ELOVL4: variants seen among roughly 807,000 people sequenced by gnomAD.
The protein encoded by ELOVL4 is very long chain fatty acid elongase 4.
Under a neutral mutation model 42.1 loss-of-function variants are expected in ELOVL4, and 18 were observed. The ratio of observed to expected loss-of-function variants is 0.43; its 90% CI spans 0.30 to 0.63. The LOEUF (loss-of-function observed/expected upper bound fraction) is 0.63. Ranked by LOEUF, ELOVL4 falls within the 30% of genes least tolerant of loss-of-function variation. The pLI, the probability that ELOVL4 is intolerant of heterozygous loss-of-function variation, is 0.15. For synonymous variants in ELOVL4, 117 were observed against 127.0 expected (o/e 0.92, Z 0.53); for missense variants, 299 against 376.2 (o/e 0.79, Z 1.70).
In ELOVL4 at chr6:79,947,294, G is replaced by C. The variant is rs373355245; in HGVS notation, c.-15C>G. The C allele has an allele frequency of 7.5e-6, 12 of 1,601,184 alleles. No homozygotes were observed. The highest frequency in any genetic ancestry group is 4.0e-5 in the African/African-American group (3 of 74,656). ...AGGAGCCCCATCGCGGCGATGAGCG[G>C]GCGCTGGCGGCAGGAGAAAGCGGAG... On this transcript the variant is annotated 5_prime_UTR_variant, in exon 1 of 6. Coordinates refer to ENST00000369816, the MANE Select transcript of ELOVL4 (RefSeq NM_022726.4).
chr6:79,931,010 A>T (rs1228747356), intron 1 of ELOVL4, among the ~76,000 whole-genome samples: 1 of 152,142 alleles, frequency 6.6e-6, no homozygotes, highest in Non-Finnish European at 1.5e-5. Flanking sequence ...CTGAAGTCAA[A>T]CCCTGTCGCC....
chr6:79,947,318 A>T lies in ELOVL4; in HGVS notation c.-39T>A. 1 of 1,518,250 alleles carries T rather than the reference A, an allele frequency of 6.6e-7. No homozygotes were observed. Among genetic ancestry groups the T allele is most frequent in the African/African-American group, 1.4e-5 (1 of 73,234 alleles). The allele number at this position is 1,518,250 out of a possible 1,614,324, so 94.0% of individuals were successfully genotyped here. A position where few individuals can be genotyped will look rare whatever the true frequency, so the allele number is the denominator to read the frequency against. On this transcript the variant is annotated 5_prime_UTR_variant, in exon 1 of 6. Coordinates refer to ENST00000369816, the MANE Select transcript of ELOVL4 (RefSeq NM_022726.4). ...GGGCGCTGGCGGCAGGAGAAAGCGG[A>T]GACCCAGAGAGAGGGCTGACCCCGG...
intron 1 of ELOVL4, among the ~76,000 whole-genome samples, chr6:79,928,258 C>T (rs908816626): frequency 2.0e-5 from 3 of 152,016 alleles, no homozygotes; most frequent in African/African-American, 7.2e-5. Flanking sequence ...TCCCATGAGA[C>T]TTATACAAAG....
Position 79,916,343 on chromosome 6 carries a change from G to T in ELOVL4, c.*265C>A. ...AGACAACTGGATGTGAACAGGGGGA[G>T]AATCCCCAAAGTCACTTAATGATTG... is the stretch of plus-strand genomic sequence containing the variant. On this transcript the variant is annotated 3_prime_UTR_variant, in exon 6 of 6. Coordinates refer to ENST00000369816, the MANE Select transcript of ELOVL4 (RefSeq NM_022726.4). 1 of 455,700 alleles carries T rather than the reference G, an allele frequency of 2.2e-6. No homozygotes were observed. The highest frequency in any genetic ancestry group is 4.0e-6 in the Non-Finnish European group (1 of 252,692). The allele number at this position is 455,700 out of a possible 1,614,324, so 28.2% of individuals were successfully genotyped here. A position where few individuals can be genotyped will look rare whatever the true frequency, so the allele number is the denominator to read the frequency against.
In ELOVL4 at chr6:79,926,296, C is replaced by A. The variant is rs1164012665; in HGVS notation, c.186G>T (p.Leu62=). Residue 62 remains leucine, a synonymous_variant, in exon 2 of 6, where the codon CTG becomes CTT. Coordinates refer to ENST00000369816, the MANE Select transcript of ELOVL4 (RefSeq NM_022726.4). ...ISTLYLLFVW[L]GPKWMKDREP... ...CTCGGTCCTTCATCCATTTTGGACC[C>A]AGCCACACAAACAGGAGATAAAGAG... The A allele has an allele frequency of 6.2e-7, 1 of 1,613,938 alleles. No homozygotes were observed. The highest frequency in any genetic ancestry group is 8.5e-7 in the Non-Finnish European group (1 of 1,179,950).
At chr6:79,941,789 T>C (rs1043989198) in intron 1 of ELOVL4, among the ~76,000 whole-genome samples, 6 of 152,224 alleles carry the variant, frequency 3.9e-5, no homozygotes, top group Admixed American at 3.9e-4. Flanking sequence ...TTCAAAATTA[T>C]GCTAGATTAA....
chr6:79,923,499 T>C (rs1347080473), intron 3 of ELOVL4, among the ~76,000 whole-genome samples: 1 of 152,222 alleles, frequency 6.6e-6, no homozygotes, highest in African/African-American at 2.4e-5. Context: ...CACTTATCCC[T>C]GTTCCCTTCC....
chr6:79,916,988 C>A, intron 5 of ELOVL4, 105 bp from the exon 6 acceptor site: 1 of 1,328,214 alleles, frequency 7.5e-7, no homozygotes, highest in Non-Finnish European at 1.1e-6. Context: ...AATTTTGCCA[C>A]ACTGTGCAAA....
chr6:79,917,291 T>C (rs1276801887), intron 5 of ELOVL4, among the ~76,000 whole-genome samples: 2 of 152,168 alleles, frequency 1.3e-5, no homozygotes, highest in East Asian at 1.9e-4. Context: ...TCAATGAATA[T>C]GTGTTGAATA....
At chr6:79,917,723 A>G (rs761604258) in intron 5 of ELOVL4, among the ~76,000 whole-genome samples, 9 of 152,198 alleles carry the variant, frequency 5.9e-5, no homozygotes, top group African/African-American at 2.2e-4. Context: ...CAGGAGGCTG[A>G]AGCAGAAGAA....
intron 1 of ELOVL4, among the ~76,000 whole-genome samples, chr6:79,945,224 G>GT (rs1774719116): frequency 6.6e-6 from 1 of 152,180 alleles, no homozygotes; most frequent in Non-Finnish European, 1.5e-5. Flanking sequence ...CTCAGGTTTC[G>GT]TAAGTGGATA....
chr6:79,927,335 A>T (rs1774360730), intron 1 of ELOVL4, among the ~76,000 whole-genome samples: 2 of 152,278 alleles, frequency 1.3e-5, no homozygotes, highest in Middle Eastern at 3.4e-3. Context: ...TATTCTTGGC[A>T]ATGCAAAACA....
At chr6:79,921,499 A>G in intron 4 of ELOVL4, 126 bp downstream of exon 4, 1 of 644,440 alleles carries the variant, frequency 1.6e-6, no homozygotes, top group Non-Finnish European at 2.6e-6. Flanking sequence ...AGAAATGAAC[A>G]TGGAAATGAT....
Position 79,947,453 on chromosome 6 carries a change from A to G in ELOVL4, c.-174T>C, listed in dbSNP as rs889838289. ...GGCGCCGCGGCGGCGGGGATGCGGC[A>G]GAAGGCAGGGCCAAGCGGAAGGCGT... On this transcript the variant is annotated 5_prime_UTR_variant, in exon 1 of 6. Transcript: ENST00000369816. The G allele has an allele frequency of 6.2e-6, 4 of 640,210 alleles. No individual in the cohort carries two copies. The East Asian group carries it at 1.1e-4, about 18-fold the overall frequency. The allele number at this position is 640,210 out of a possible 1,614,324, so 39.7% of individuals were successfully genotyped here. A position where few individuals can be genotyped will look rare whatever the true frequency, so the allele number is the denominator to read the frequency against.
intron 1 of ELOVL4, among the ~76,000 whole-genome samples, chr6:79,931,095 G>C (rs1360481478): frequency 6.6e-6 from 1 of 152,222 alleles, no homozygotes; most frequent in Middle Eastern, 3.4e-3. Context: ...TGGTGGGGTG[G>C]AGGGGGAAAA....
At chr6:79,947,067 C>T in intron 1 of ELOVL4, 113 bp downstream of exon 1, 1 of 872,956 alleles carries the variant, frequency 1.1e-6, no homozygotes, top group Non-Finnish European at 1.8e-6. Context: ...TCCGCAGCAT[C>T]CGAAAGCCGC....
At chr6:79,934,154 G>A (rs965691836) in intron 1 of ELOVL4, among the ~76,000 whole-genome samples, 3 of 152,166 alleles carry the variant, frequency 2.0e-5, no homozygotes, top group Admixed American at 6.5e-5. Context: ...AGGGGTCACT[G>A]ACAATGACAA....
In ELOVL4 at chr6:79,926,375, C is replaced by A; in HGVS notation, c.107G>T (p.Arg36Leu). The change falls in exon 2 of 6, where the codon CGT (arginine) becomes CTT (leucine). Residue 36 changes from arginine (R) to leucine (L), a missense_variant. By Grantham distance (102) the Arg-to-Leu change is moderately radical (BLOSUM62 -2). Transcript: ENST00000369816. ...CTGCATCAGAGGCCAATTTTCCACA[C>A]GCTTATCTATAGAGAGAACAAAATA... ...YRWTWSIADK[R>L]VENWPLMQSP... 6.2e-7 allele frequency: 1 copy of A among 1,613,606 alleles called. No homozygotes were observed. Among genetic ancestry groups the A allele is most frequent in the Non-Finnish European group, 8.5e-7 (1 of 1,179,696 alleles).
chr6:79,916,399 T>A lies in ELOVL4; in HGVS notation c.*209A>T, dbSNP rs1774161062. The A allele has an allele frequency of 3.4e-6, 2 of 595,152 alleles. No individual in the cohort carries two copies. The highest frequency in any genetic ancestry group is 3.7e-5 in the African/African-American group (2 of 53,632). The allele number at this position is 595,152 out of a possible 1,614,324, so 36.9% of individuals were successfully genotyped here. A position where few individuals can be genotyped will look rare whatever the true frequency, so the allele number is the denominator to read the frequency against. ...GTCTGGAGAATATCAAGGCTAATTTTTAAAAAAAATGTTTAAAATAAAAAC... is the reference window on the plus strand; with the variant it reads ...GTCTGGAGAATATCAAGGCTAATTTATAAAAAAAATGTTTAAAATAAAAAC... On this transcript the variant is annotated 3_prime_UTR_variant, in exon 6 of 6. Coordinates refer to ENST00000369816, the MANE Select transcript of ELOVL4 (RefSeq NM_022726.4).
Sources: gnomAD v4.1 joint callset for allele counts (sites outside exome capture counted in the v4.1 genomes callset) on GRCh38, gnomAD v4.1.1 for gene constraint, MANE v1.5 for transcripts, NCBI Gene and HGNC (gene_info 2026-07-23, HGNC 2026-07-21) for gene names.